Variants in NKAIN2 observed in about 807,000 individuals in gnomAD.
The protein encoded by NKAIN2 is sodium/potassium-transporting ATPase subunit beta-1-interacting protein 2.
A neutral mutation model predicts 32.6 loss-of-function variants in NKAIN2; 14 were observed. The observed-to-expected ratio is 0.43, with a 90% CI of 0.28 to 0.67. The LOEUF (loss-of-function observed/expected upper bound fraction) is 0.67. NKAIN2 is among the 30% of genes least tolerant of loss of function. The pLI is 0.17. For missense variants in NKAIN2, 198 were observed against 258.3 expected, an observed-to-expected ratio of 0.77 and a Z score of 1.60; for synonymous variants, 80 against 87.2, an observed-to-expected ratio of 0.92 and a Z score of 0.46.
chr6:123,929,063 T>C (rs954815525), intron 1 of NKAIN2, among the ~76,000 whole-genome samples: 2 of 152,160 alleles, frequency 1.3e-5, no homozygotes, highest in African/African-American at 4.8e-5. Context: ...ATTAGGATTG[T>C]GGTTTCCTTG....
intron 1 of NKAIN2, among the ~76,000 whole-genome samples, chr6:123,894,366 G>A (rs1189150567): frequency 1.3e-5 from 2 of 152,088 alleles, no homozygotes; most frequent in Admixed American, 1.3e-4. Flanking sequence ...AATTATTTGG[G>A]ACTCAAGAAT....
chr6:124,566,802 T>TCA (rs1413006986), intron 3 of NKAIN2, among the ~76,000 whole-genome samples: 6 of 151,830 alleles, frequency 4.0e-5, no homozygotes, highest in Non-Finnish European at 7.4e-5. Flanking sequence ...ATTTAGTATT[T>TCA]CACACACACA....
At chr6:123,828,383 T>C (rs949321839) in intron 1 of NKAIN2, among the ~76,000 whole-genome samples, 61 of 133,128 alleles carry the variant, frequency 4.6e-4, no homozygotes, top group Non-Finnish European at 5.3e-4. Flanking sequence ...ATAATTTATA[T>C]GTGAAGTGTG....
chr6:124,352,886 A>G (rs749926036), intron 2 of NKAIN2, among the ~76,000 whole-genome samples: 3 of 152,092 alleles, frequency 2.0e-5, no homozygotes, highest in Non-Finnish European at 4.4e-5. Flanking sequence ...CTCAAATTCC[A>G]TATTTTGTCT....
At chr6:124,672,393 T>G (rs1007316564) in intron 4 of NKAIN2, among the ~76,000 whole-genome samples, 2 of 152,086 alleles carry the variant, frequency 1.3e-5, no homozygotes, top group Non-Finnish European at 2.9e-5. Flanking sequence ...ACTGAAAAAG[T>G]TCTCAGACTG....
intron 2 of NKAIN2, among the ~76,000 whole-genome samples, chr6:124,323,784 CTTTTTT>C (rs1188944631): frequency 8.6e-6 from 1 of 115,932 alleles, no homozygotes; most frequent in Non-Finnish European, 1.7e-5. Context: ...TTAATTTTTT[CTTTTTT>C]TTTTTTTTTT....
chr6:124,202,557 G>A (rs1438562828), intron 1 of NKAIN2, among the ~76,000 whole-genome samples: 1 of 151,872 alleles, frequency 6.6e-6, no homozygotes. Context: ...AGGGGAAAAT[G>A]TCCAGACTTT....
rs1427707232 is a variant in NKAIN2, at chr6:124,379,342, TAAGGAGAGAAGGGAGAGAGA to T, written c.273+24011_273+24030del. ...AGAAAGAAGGGAGGAGAGAGGGGAG[TAAGGAGAGAAGGGAGAGAGA>T]AAGGAGAGAAGGGAGGAAAGAAGGG... On this transcript the variant is annotated intron_variant, in intron 3 of 6. Coordinates refer to ENST00000368417, the MANE Select transcript of NKAIN2 (RefSeq NM_001040214.3). Among the ~76,000 whole-genome samples the T allele has an allele frequency of 1.7e-4, 12 of 70,462 alleles. No homozygotes were observed. In the Admixed American group the frequency reaches 2.1e-3, roughly 12 times the overall value. 46.2% of individuals were successfully genotyped at this position (70,462 alleles called of 152,430 possible). A position where few individuals can be genotyped will look rare whatever the true frequency, so the allele number is the denominator to read the frequency against.
chr6:124,011,643 T>C (rs1489017091), intron 1 of NKAIN2, among the ~76,000 whole-genome samples: 1 of 152,224 alleles, frequency 6.6e-6, no homozygotes, highest in African/African-American at 2.4e-5. Context: ...AAAATGTCAT[T>C]GATTCTTATA....
intron 3 of NKAIN2, among the ~76,000 whole-genome samples, chr6:124,501,504 C>T (rs747351455): frequency 2.6e-4 from 40 of 152,136 alleles, no homozygotes; most frequent in Non-Finnish European, 5.3e-4. Flanking sequence ...CCTACTGTAG[C>T]GTGGAAGGTA....
intron 3 of NKAIN2, among the ~76,000 whole-genome samples, chr6:124,456,192 T>C (rs947021521): frequency 1.7e-4 from 26 of 151,998 alleles, no homozygotes; most frequent in African/African-American, 5.8e-4. Flanking sequence ...ACAGTTCTAA[T>C]GTCAATACAT....
intron 1 of NKAIN2, among the ~76,000 whole-genome samples, chr6:124,112,978 G>A (rs976885099): frequency 6.6e-6 from 1 of 151,898 alleles, no homozygotes; most frequent in African/African-American, 2.4e-5. Flanking sequence ...CCTTATGAAA[G>A]TTATTTTTAA....
At chr6:124,784,362 T>A (rs1367499683) in intron 4 of NKAIN2, among the ~76,000 whole-genome samples, 2 of 152,178 alleles carry the variant, frequency 1.3e-5, no homozygotes, top group Non-Finnish European at 2.9e-5. Flanking sequence ...TATTGCCTTT[T>A]TACGGCCACA....
At chr6:124,416,191 C>A (rs12214506) in intron 3 of NKAIN2, among the ~76,000 whole-genome samples, 59,288 of 151,670 alleles carry the variant, frequency 0.39, 13,450 homozygotes, top group South Asian at 0.59. Context: ...GCATGGCCAG[C>A]ATGGCATTGA....
chr6:124,265,499 C>T (rs945044781), intron 1 of NKAIN2, among the ~76,000 whole-genome samples: 1 of 152,072 alleles, frequency 6.6e-6, no homozygotes, highest in Non-Finnish European at 1.5e-5. Context: ...AATGGATACA[C>T]TGAAACAAAT....
intron 3 of NKAIN2, among the ~76,000 whole-genome samples, chr6:124,591,265 C>T (rs1033885263): frequency 1.6e-4 from 24 of 152,026 alleles, no homozygotes; most frequent in Non-Finnish European, 2.4e-4. Context: ...TCTTCTGGCC[C>T]GAGACAAGAA....
chr6:124,371,928 T>C (rs1418665871), intron 3 of NKAIN2, among the ~76,000 whole-genome samples: 1 of 152,118 alleles, frequency 6.6e-6, no homozygotes, highest in African/African-American at 2.4e-5. Flanking sequence ...AGGGCACACA[T>C]GACGTGATCC....
rs1339137612 is a variant in NKAIN2, at chr6:123,803,933, C to T, written c.-268C>T. ...CCCCTGCGGGCCCCGAGCGCGCCTC[C>T]GCAGGCGGCACTGCCCGCGGCGCGG... On this transcript the variant is annotated 5_prime_UTR_variant, in exon 1 of 7. Coordinates refer to ENST00000368417, the MANE Select transcript of NKAIN2 (RefSeq NM_001040214.3). 6.7e-6 allele frequency among the ~76,000 whole-genome samples: 1 copy of T among 150,096 alleles called. No homozygotes were observed. Among genetic ancestry groups the T allele is most frequent in the East Asian group, 2.0e-4 (1 of 5,120 alleles).
chr6:124,437,935 A>T, intron 3 of NKAIN2: 1 of 394,066 alleles, frequency 2.5e-6, no homozygotes, highest in Non-Finnish European at 4.9e-6. Context: ...TGATTTTCTC[A>T]ATAGTTATTA....
Sources: gnomAD v4.1 joint callset for allele counts (sites outside exome capture counted in the v4.1 genomes callset) on GRCh38, gnomAD v4.1.1 for gene constraint, MANE v1.5 for transcripts, NCBI Gene and HGNC (gene_info 2026-07-23, HGNC 2026-07-21) for gene names.